DACT1: variants seen among roughly 807,000 people sequenced by gnomAD.
DACT1 encodes dapper homolog 1.
A neutral mutation model predicts 35.3 loss-of-function variants in DACT1; 19 were observed. That is an observed-to-expected ratio of 0.54 (90% CI 0.38 to 0.79). The LOEUF (loss-of-function observed/expected upper bound fraction) is 0.79, where lower values mean the gene tolerates loss of function less well. Ranked by LOEUF, DACT1 falls within the 30% of genes least tolerant of loss-of-function variation. DACT1 has a pLI of 0.00. For synonymous variants in DACT1, 545 were observed against 466.7 expected (o/e 1.17, Z -2.16); for missense variants, 1,143 against 1,057.5 (o/e 1.08, Z -1.12).
chr14:58,641,856 A>C lies in DACT1; in HGVS notation c.634+109A>C, dbSNP rs1326580634. 3 of 1,084,868 alleles carry C rather than the reference A, an allele frequency of 2.8e-6. No individual in the cohort carries two copies. The Admixed American group carries it at 7.4e-5, about 27-fold the overall frequency. 67.2% of individuals were successfully genotyped at this position (1,084,868 alleles called of 1,614,324 possible). A position where few individuals can be genotyped will look rare whatever the true frequency, so the allele number is the denominator to read the frequency against. ...ACTGGTGGAAAAATGAAGGTTCATC[A>C]CTTTGCGGCATTTAGTGCCATACTT... On this transcript the variant is annotated intron_variant, in intron 3 of 3. Transcript: ENST00000395153.
chr14:58,642,254 A>G (rs2047634265), intron 3 of DACT1, among the ~76,000 whole-genome samples: 1 of 152,144 alleles, frequency 6.6e-6, no homozygotes, highest in African/African-American at 2.4e-5. Context: ...TGGGAGGCCA[A>G]GGTGGGTGGA....
At chr14:58,642,119 AGTGGC>A (rs1443174133) in intron 3 of DACT1, among the ~76,000 whole-genome samples, 11 of 152,326 alleles carry the variant, frequency 7.2e-5, no homozygotes, top group African/African-American at 2.6e-4. Context: ...AGCCAGGTGC[AGTGGC>A]TCACACCTGT....
At chr14:58,639,505 C>T (rs1310183656) in intron 1 of DACT1, among the ~76,000 whole-genome samples, 1 of 152,208 alleles carries the variant, frequency 6.6e-6, no homozygotes, top group Non-Finnish European at 1.5e-5. Context: ...GTGGCCCTCC[C>T]ACAATAAAGT....
chr14:58,638,588 A>T (rs1276447969), intron 1 of DACT1, 41 bp downstream of exon 1: 1 of 1,306,718 alleles, frequency 7.7e-7, no homozygotes, highest in Non-Finnish European at 9.8e-7. Flanking sequence ...GTTCCTGCCC[A>T]GGGGCTGGAG....
Position 58,640,739 on chromosome 14 carries a change from T to A in DACT1, c.349T>A (p.Cys117Ser), listed in dbSNP as rs2047618677. Residue 117 changes from cysteine (C) to serine (S), a missense_variant, in exon 2 of 4, where the codon TGT becomes AGT. Coordinates refer to ENST00000395153, the MANE Select transcript of DACT1 (RefSeq NM_001079520.2). ...TCCTTTGTTTCTTCCTAATCAGAACTGTTTGAGGCGAAGAGATGCTGGTTT... is the reference window on the plus strand; with the variant it reads ...TCCTTTGTTTCTTCCTAATCAGAACAGTTTGAGGCGAAGAGATGCTGGTTT... Reference protein sequence around the residue: ...NILLLRKQLNCLRRRDAGLLN... With the variant: ...NILLLRKQLNSLRRRDAGLLN... 6.2e-7 allele frequency: 1 copy of A among 1,614,150 alleles called. No individual in the cohort carries two copies. Among genetic ancestry groups the A allele is most frequent in the Non-Finnish European group, 8.5e-7 (1 of 1,180,008 alleles).
chr14:58,638,754 C>T (rs2047599904), intron 1 of DACT1: 1 of 1,194,252 alleles, frequency 8.4e-7, no homozygotes, highest in South Asian at 4.4e-5. Context: ...CTGGCGTGTG[C>T]CCGCTTTGTG....
chr14:58,638,677 GC>G, intron 1 of DACT1, 130 bp downstream of exon 1: 1 of 1,208,388 alleles, frequency 8.3e-7, no homozygotes, highest in Non-Finnish European at 1.0e-6. Flanking sequence ...GCCCCCGACC[GC>G]CCCATACCTC....
chr14:58,634,565 C>G (rs549253523), upstream of DACT1, among the ~76,000 whole-genome samples: 1 of 152,250 alleles, frequency 6.6e-6, no homozygotes, highest in South Asian at 2.1e-4. Flanking sequence ...TGATCCCAGA[C>G]CCTCGAATGG....
Position 58,638,524 on chromosome 14 carries a change from A to G in DACT1, c.322A>G (p.Ile108Val), listed in dbSNP as rs1208382552. 3.0e-6 allele frequency: 4 copies of G among 1,345,470 alleles called. No homozygotes were observed. The highest frequency in any genetic ancestry group is 3.0e-5 in the African/African-American group (2 of 66,534). 83.3% of individuals were successfully genotyped at this position (1,345,470 alleles called of 1,614,324 possible). ...GGAGGAGAAGTTCTTGGAGGAGAAC[A>G]TCTTGCTGCTAAGAAAGCAATTGGT... The part of the protein sequence containing the change: ...RLEEKFLEEN[I>V]LLLRKQLNCL... The change falls in exon 1 of 4, where the codon ATC becomes GTC. Residue 108 changes from isoleucine to valine, a missense_variant. By Grantham distance (29) the Ile-to-Val change is conservative. Coordinates refer to ENST00000395153, the MANE Select transcript of DACT1 (RefSeq NM_001079520.2).
chr14:58,644,361 A>G (rs2047653707), intron 3 of DACT1, among the ~76,000 whole-genome samples: 1 of 152,224 alleles, frequency 6.6e-6, no homozygotes, highest in Non-Finnish European at 1.5e-5. Flanking sequence ...TTAAAATCTT[A>G]TCAAGAATTC....
chr14:58,645,784 C>T lies in DACT1; in HGVS notation c.1050C>T (p.Gly350=), dbSNP rs1371057527. The T allele has an allele frequency of 1.2e-6, 2 of 1,614,248 alleles. No homozygotes were observed. Among genetic ancestry groups the T allele is most frequent in the Non-Finnish European group, 1.7e-6 (2 of 1,180,048 alleles). ...GAGCCCCGGGCGGTGTCTCACAGGGCAACAGTGTGAACCTTAAGAATTCGA... is the reference window on the plus strand; with the variant it reads ...GAGCCCCGGGCGGTGTCTCACAGGGTAACAGTGTGAACCTTAAGAATTCGA... ...CVRAPGGVSQ[G]NSVNLKNSKQ... is the part of the protein sequence containing the mutation. The change falls in exon 4 of 4, where the codon GGC becomes GGT. Residue 350 remains glycine, a synonymous_variant. Coordinates refer to ENST00000395153, the MANE Select transcript of DACT1 (RefSeq NM_001079520.2).
Position 58,646,220 on chromosome 14 carries a change from G to A in DACT1, c.1486G>A (p.Glu496Lys), listed in dbSNP as rs780349654. 3.1e-6 allele frequency: 5 copies of A among 1,613,956 alleles called. No individual in the cohort carries two copies. Among genetic ancestry groups the A allele is most frequent in the Non-Finnish European group, 4.2e-6 (5 of 1,179,960 alleles). The stretch of plus-strand genomic sequence containing the variant: ...CCTGCTGTCTACAGCTTTCCCCGTG[G>A]AAGAGAGGCCTGCCTTGGATTTCAA... The part of the protein sequence containing the change: ...PPLLSTAFPV[E>K]ERPALDFKSE... Residue 496 changes from glutamate to lysine, a missense_variant, in exon 4 of 4, where the codon GAA becomes AAA. This residue lies in a region of DACT1 where 1,054 missense variants were observed against 958.8 expected (regional missense o/e 1.10). Coordinates refer to ENST00000395153, the MANE Select transcript of DACT1 (RefSeq NM_001079520.2).
At position 58,640,861 on chromosome 14, in the gene DACT1, T is replaced by A. The variant is rs1484019795; in HGVS notation, c.471T>A (p.Pro157=). 6.2e-7 allele frequency: 1 copy of A among 1,614,162 alleles called. No homozygotes were observed. Among genetic ancestry groups the A allele is most frequent in the Admixed American group, 1.7e-5 (1 of 60,024 alleles). Residue 157 remains proline (P), a synonymous_variant, in exon 2 of 4, where the codon CCT becomes CCA. Transcript: ENST00000395153. ...AGCACCTGGAGACAGACAGTCGGCC[T>A]AGCTCAGGTGAGTGATTGAGCACAA... ...SEEHLETDSR[P]SSGFYELSDG...
In DACT1 at chr14:58,638,096, C is replaced by T. The variant is rs2047590077; in HGVS notation, c.-107C>T. On this transcript the variant is annotated 5_prime_UTR_variant, in exon 1 of 4. Transcript: ENST00000395153. Reference sequence around the variant, plus strand: ...CCACCGTCCCCGCCAGCGCCGCGCCCCGCCACAGGGCGGCATGAGCCCACC... The same window carrying T: ...CCACCGTCCCCGCCAGCGCCGCGCCTCGCCACAGGGCGGCATGAGCCCACC... The T allele has an allele frequency of 1.7e-6, 2 of 1,152,136 alleles. No homozygotes were observed. The highest frequency in any genetic ancestry group is 8.8e-5 in the South Asian group (2 of 22,830). The allele number at this position is 1,152,136 out of a possible 1,614,324, so 71.4% of individuals were successfully genotyped here. A position where few individuals can be genotyped will look rare whatever the true frequency, so the allele number is the denominator to read the frequency against.
At chr14:58,637,794 G>A (rs2047585461), upstream of DACT1, among the ~76,000 whole-genome samples, 1 of 151,848 alleles carries the variant, frequency 6.6e-6, no homozygotes, top group Non-Finnish European at 1.5e-5. Context: ...GAGGAGGGGC[G>A]GGGAGGGCCG....
chr14:58,645,870 C>T lies in DACT1; in HGVS notation c.1136C>T (p.Pro379Leu), dbSNP rs373688563. The change falls in exon 4 of 4, where the codon CCG (proline) becomes CTG (leucine). Residue 379 changes from proline to leucine, a missense_variant. Physicochemically the swap from Pro to Leu is moderately conservative, Grantham distance 98 (BLOSUM62 -3). Around this residue, in one of 3 missense-constraint regions of DACT1, gnomAD observed 1,054 missense variants for 958.8 expected, o/e 1.10. Coordinates refer to ENST00000395153, the MANE Select transcript of DACT1 (RefSeq NM_001079520.2). ...PSLNNGTFSPPKQWSKESKAE... is the reference protein window; with the variant it reads ...PSLNNGTFSPLKQWSKESKAE... Reference sequence around the variant, plus strand: ...CTGAACAATGGGACATTCTCCCCACCGAAGCAGTGGTCGAAAGAATCAAAG... The same window carrying T: ...CTGAACAATGGGACATTCTCCCCACTGAAGCAGTGGTCGAAAGAATCAAAG... 1.3e-5 allele frequency: 21 copies of T among 1,614,238 alleles called. No individual in the cohort carries two copies. In the African/African-American group the frequency reaches 2.3e-4, roughly 17 times the overall value.
rs755583995 is a variant in DACT1 at position 58,645,883 on chromosome 14, G to A, written c.1149G>A (p.Ser383=). The A allele has an allele frequency of 1.2e-6, 2 of 1,614,218 alleles. No individual in the cohort carries two copies. Among genetic ancestry groups the A allele is most frequent in the South Asian group, 2.2e-5 (2 of 91,092 alleles). The part of the protein sequence containing the change: ...NGTFSPPKQW[S]KESKAEQAES... ...CATTCTCCCCACCGAAGCAGTGGTC[G>A]AAAGAATCAAAGGCCGAACAAGCCG... Residue 383 remains serine, a synonymous_variant, in exon 4 of 4, where the codon TCG becomes TCA. Transcript: ENST00000395153.
At position 58,641,639 on chromosome 14, in the gene DACT1, T is replaced by C; in HGVS notation, c.526T>C (p.Ser176Pro). ...DGASGSLSNS[S>P]NSVFSECLSS... ...GGCTTCAGGATCCCTTTCCAATTCC[T>C]CTAACTCGGTGTTCAGTGAGTGTTT... Residue 176 changes from serine to proline, a missense_variant, in exon 3 of 4, where the codon TCT becomes CCT. Around this residue, in one of 3 missense-constraint regions of DACT1, gnomAD observed 1,054 missense variants for 958.8 expected, o/e 1.10. Coordinates refer to ENST00000395153, the MANE Select transcript of DACT1 (RefSeq NM_001079520.2). 1 of 1,614,232 alleles carries C rather than the reference T, an allele frequency of 6.2e-7. No homozygotes were observed. Among genetic ancestry groups the C allele is most frequent in the Non-Finnish European group, 8.5e-7 (1 of 1,180,040 alleles).
At chr14:58,637,832 G>T (rs905650936), upstream of DACT1, among the ~76,000 whole-genome samples, 1 of 151,782 alleles carries the variant, frequency 6.6e-6, no homozygotes, top group African/African-American at 2.4e-5. Context: ...TCTGGGGGCC[G>T]GGCGGCGCGC....
Sources: gnomAD v4.1 joint callset for allele counts (sites outside exome capture counted in the v4.1 genomes callset) on GRCh38, gnomAD v4.1.1 for gene constraint, gnomAD v4.1.1 regional missense constraint, MANE v1.5 for transcripts, NCBI Gene and HGNC (gene_info 2026-07-23, HGNC 2026-07-21) for gene names.